CIT: variants seen among roughly 807,000 people sequenced by gnomAD.
CIT encodes citron Rho-interacting kinase.
A neutral mutation model predicts 272.7 loss-of-function variants in CIT; 79 were observed. The observed-to-expected ratio is 0.29, with a 90% CI of 0.24 to 0.35. CIT has a LOEUF of 0.35. CIT is among the 10% of genes least tolerant of loss of function. The pLI is 1.00. For synonymous variants in CIT, 948 were observed against 995.6 expected, an observed-to-expected ratio of 0.95 and a Z score of 0.90; for missense variants, 1,909 against 2,618.3, an observed-to-expected ratio of 0.73 and a Z score of 5.91.
intron 2 of CIT, among the ~76,000 whole-genome samples, chr12:119,871,440 C>T (rs190322510): frequency 2.0e-5 from 3 of 152,318 alleles, no homozygotes; most frequent in African/African-American, 7.2e-5. Context: ...ATCACAACAG[C>T]ACTGGAGAAT....
At chr12:119,876,798 C>T (rs1219389577) in intron 1 of CIT, among the ~76,000 whole-genome samples, 1 of 152,108 alleles carries the variant, frequency 6.6e-6, no homozygotes, top group Non-Finnish European at 1.5e-5. Context: ...CCAGCAACAG[C>T]GAGGCCAGAC....
intron 32 of CIT, among the ~76,000 whole-genome samples, chr12:119,717,780 A>G (rs1441518685): frequency 1.3e-5 from 2 of 150,884 alleles, no homozygotes; most frequent in Non-Finnish European, 2.9e-5. Context: ...TGGTATAGAC[A>G]TGTGGTCACA....
intron 5 of CIT, among the ~76,000 whole-genome samples, chr12:119,845,391 G>T (rs1428817326): frequency 6.6e-6 from 1 of 152,024 alleles, no homozygotes; most frequent in Non-Finnish European, 1.5e-5. Context: ...AGTGGCTCAT[G>T]CCTGTAATTC....
intron 22 of CIT, among the ~76,000 whole-genome samples, chr12:119,757,027 C>A (rs1356240781): frequency 6.6e-6 from 1 of 151,000 alleles, no homozygotes; most frequent in African/African-American, 2.4e-5. Context: ...AGCTGAGGCA[C>A]GAGAATCACT....
intron 10 of CIT, among the ~76,000 whole-genome samples, chr12:119,787,550 T>C (rs1239371559): frequency 3.3e-5 from 5 of 151,170 alleles, no homozygotes; most frequent in South Asian, 2.1e-4. Context: ...GCTAACACGG[T>C]GAAACCTCGT....
intron 9 of CIT, among the ~76,000 whole-genome samples, chr12:119,806,136 T>TAAAA: frequency 2.2e-4 from 2 of 9,280 alleles, no homozygotes; most frequent in Admixed American, 1.2e-3. Flanking sequence ...AAACACCATC[T>TAAAA]CAAAAAAAAA....
chr12:119,772,749 G>A (rs1380783823), intron 17 of CIT, 21 bp downstream of exon 17: 1 of 1,606,306 alleles, frequency 6.2e-7, no homozygotes, highest in African/African-American at 1.3e-5. Flanking sequence ...CTGGGGCCTG[G>A]GCTGGAGGTT....
rs1956311094 is a variant in CIT, at chr12:119,697,772, T to C, written c.5769A>G (p.Gly1923=). 2 of 1,614,110 alleles carry C rather than the reference T, an allele frequency of 1.2e-6. No homozygotes were observed. The highest frequency in any genetic ancestry group is 1.7e-6 in the Non-Finnish European group (2 of 1,180,032). ...PRYLGPAISS[G]AIYLASSYQD... ...GGTATGAGGACGCCAAGTAAATCGC[T>C]CCTGAGGAAATGGCAGGGCCCAGGT... Residue 1923 remains glycine, a synonymous_variant, in exon 46 of 48, where the codon GGA becomes GGG. Transcript: ENST00000392521. This position sits in a 1 kb window ranked among gnomAD's most constrained non-coding sequence, Gnocchi z 4.9.
At chr12:119,708,049 A>T in intron 40 of CIT, 130 bp downstream of exon 40, 1 of 969,784 alleles carries the variant, frequency 1.0e-6, no homozygotes, top group African/African-American at 3.8e-5. Flanking sequence ...CTTTTCTTTC[A>T]AGAGAGCCCC....
chr12:119,868,222 C>CA (rs1299253586), intron 3 of CIT, among the ~76,000 whole-genome samples: 3 of 149,798 alleles, frequency 2.0e-5, no homozygotes, highest in Non-Finnish European at 4.4e-5. Flanking sequence ...ACTCTGTCTC[C>CA]AAAAAAAACA....
intron 5 of CIT, 48 bp from the exon 6 acceptor site, chr12:119,834,276 G>A: frequency 6.7e-7 from 1 of 1,503,216 alleles, no homozygotes; most frequent in Non-Finnish European, 9.0e-7. Context: ...CCAAAAATAG[G>A]GAATGCCTCA....
chr12:119,872,445 C>G (rs928709715), intron 2 of CIT, among the ~76,000 whole-genome samples: 2 of 152,158 alleles, frequency 1.3e-5, no homozygotes, highest in African/African-American at 4.8e-5. Context: ...CTCATTCAAA[C>G]AGCACTATAT....
At chr12:119,726,011 C>CGTGTGTGTGTGTGTGTGTGTGT (rs3999591) in intron 28 of CIT, among the ~76,000 whole-genome samples, 169 of 150,010 alleles carry the variant, frequency 1.1e-3, no homozygotes, top group African/African-American at 3.8e-3. Context: ...ACCAAATATA[C>CGTGTGTGTGTGTGTGTGTGTGT]GTGTGTGTGT....
chr12:119,871,860 A>G (rs1488483086), intron 2 of CIT, among the ~76,000 whole-genome samples: 3 of 152,192 alleles, frequency 2.0e-5, no homozygotes, highest in African/African-American at 7.2e-5. Flanking sequence ...CTGGTCCCCA[A>G]GAGAGTCAGA....
intron 24 of CIT, among the ~76,000 whole-genome samples, chr12:119,738,587 A>T (rs911468423): frequency 9.3e-5 from 8 of 86,254 alleles, no homozygotes; most frequent in African/African-American, 3.4e-4. Flanking sequence ...AGAAGATATT[A>T]AAAAAAAAGA....
chr12:119,767,293 A>T (rs1297049495), intron 18 of CIT, 111 bp from the exon 19 acceptor site: 2 of 729,876 alleles, frequency 2.7e-6, no homozygotes, highest in Non-Finnish European at 4.4e-6. Context: ...GGTAACGGTC[A>T]TCTGGTCCTC....
At chr12:119,829,696 C>G (rs1357763339) in intron 7 of CIT, among the ~76,000 whole-genome samples, 1 of 152,188 alleles carries the variant, frequency 6.6e-6, no homozygotes, top group Non-Finnish European at 1.5e-5. Flanking sequence ...AGCTGTTCAC[C>G]ATTCTTTGAG....
At chr12:119,775,752 G>A (rs1350215235) in intron 16 of CIT, 34 bp downstream of exon 16, 27 of 1,557,260 alleles carry the variant, frequency 1.7e-5, no homozygotes, top group Non-Finnish European at 2.2e-5. Context: ...GAGGTGGTGG[G>A]GGGTAAGTTC....
chr12:119,757,646 T>C, intron 21 of CIT, 101 bp from the exon 22 acceptor site: 1 of 1,437,676 alleles, frequency 7.0e-7, no homozygotes, highest in Non-Finnish European at 9.5e-7. Flanking sequence ...ACATGTCTCC[T>C]CACTAAGTGG....
Sources: gnomAD v4.1 joint callset for allele counts (sites outside exome capture counted in the v4.1 genomes callset) on GRCh38, gnomAD v4.1.1 for gene constraint, Gnocchi (gnomAD v3.1) non-coding constraint, MANE v1.5 for transcripts, NCBI Gene and HGNC (gene_info 2026-07-23, HGNC 2026-07-21) for gene names.